Variants in TMTC2 observed in about 807,000 individuals in gnomAD.
TMTC2 encodes transmembrane O-mannosyltransferase targeting cadherins 2.
Under a neutral mutation model 82.4 loss-of-function variants are expected in TMTC2, and 43 were observed. The observed-to-expected ratio is 0.52, with a 90% CI of 0.41 to 0.67. TMTC2 has a LOEUF of 0.67. Among genes scored for constraint, TMTC2 ranks in the 30% least tolerant of loss-of-function variants. TMTC2 has a pLI of 0.00. For synonymous variants in TMTC2, 408 were observed against 381.9 expected, an observed-to-expected ratio of 1.07 and a Z score of -0.80; for missense variants, 919 against 1,012.4, an observed-to-expected ratio of 0.91 and a Z score of 1.25.
chr12:82,863,805 C>T (rs1422819895), intron 2 of TMTC2, among the ~76,000 whole-genome samples: 1 of 152,042 alleles, frequency 6.6e-6, no homozygotes, highest in African/African-American at 2.4e-5. Context: ...AAAGAGGAAT[C>T]AAAAGGAACA....
intron 3 of TMTC2, among the ~76,000 whole-genome samples, chr12:82,908,783 G>A (rs1874458030): frequency 6.6e-6 from 1 of 151,866 alleles, no homozygotes; most frequent in African/African-American, 2.4e-5. Flanking sequence ...TAGGCATAAT[G>A]TTTTGGTTAT....
intron 3 of TMTC2, among the ~76,000 whole-genome samples, chr12:82,911,154 G>A (rs540341398): frequency 3.2e-3 from 492 of 152,170 alleles, no homozygotes; most frequent in African/African-American, 0.012. Context: ...TGTTGGGATT[G>A]CAGGTGTGAG....
intron 1 of TMTC2, among the ~76,000 whole-genome samples, chr12:82,841,630 T>C (rs763029848): frequency 2.0e-5 from 3 of 152,246 alleles, no homozygotes; most frequent in Non-Finnish European, 4.4e-5. Flanking sequence ...GCAGCCCTGG[T>C]GAAACTTCCC....
chr12:82,961,663 G>T (rs910107770), intron 4 of TMTC2, among the ~76,000 whole-genome samples: 1 of 151,942 alleles, frequency 6.6e-6, no homozygotes, highest in Non-Finnish European at 1.5e-5. Context: ...TTACTGTGGG[G>T]TGCTTTCAGC....
intron 8 of TMTC2, among the ~76,000 whole-genome samples, chr12:83,006,954 G>C (rs915688083): frequency 6.6e-6 from 1 of 152,048 alleles, no homozygotes; most frequent in Non-Finnish European, 1.5e-5. Context: ...CGGGGGCTGG[G>C]GGAGGGATAG....
At chr12:82,852,513 A>C (rs1423264251) in intron 1 of TMTC2, among the ~76,000 whole-genome samples, 2 of 152,076 alleles carry the variant, frequency 1.3e-5, no homozygotes, top group African/African-American at 4.8e-5. Context: ...GAGTTCCTCC[A>C]CCTTTCCTAG....
chr12:82,818,811 A>G (rs1225992183), intron 1 of TMTC2, among the ~76,000 whole-genome samples: 6 of 152,170 alleles, frequency 3.9e-5, no homozygotes, highest in East Asian at 3.8e-4. Context: ...CTTATGGACT[A>G]CAAGCTAATT....
At chr12:82,944,309 G>A (rs1592646371) in intron 4 of TMTC2, among the ~76,000 whole-genome samples, 2 of 152,290 alleles carry the variant, frequency 1.3e-5, no homozygotes, top group East Asian at 3.9e-4. Flanking sequence ...CCCTGGCTGG[G>A]CATGGTGGCT....
chr12:82,848,504 A>G (rs1159310531), intron 1 of TMTC2, among the ~76,000 whole-genome samples: 1 of 152,128 alleles, frequency 6.6e-6, no homozygotes, highest in East Asian at 1.9e-4. Flanking sequence ...ACTTGGCTGA[A>G]TATTTAATGT....
rs139098989 is a variant in TMTC2 at position 82,998,121 on chromosome 12, C to A, written c.2070+12075C>A. 1.6e-3 allele frequency among the ~76,000 whole-genome samples: 240 copies of A among 152,264 alleles called. 2 individuals are homozygous for A. The highest frequency in any genetic ancestry group is 5.6e-3 in the African/African-American group (231 of 41,566). On this transcript the variant is annotated intron_variant, in intron 8 of 11. Coordinates refer to ENST00000321196, the MANE Select transcript of TMTC2 (RefSeq NM_152588.3). Reference sequence around the variant, plus strand: ...TTGAGTTGGTGACAGAACACCTGAGCTGTTGCTTACTCAGTAATTTATTAC... The same window carrying A: ...TTGAGTTGGTGACAGAACACCTGAGATGTTGCTTACTCAGTAATTTATTAC...
intron 3 of TMTC2, among the ~76,000 whole-genome samples, chr12:82,925,381 TAATA>T (rs1875641806): frequency 6.6e-6 from 1 of 152,188 alleles, no homozygotes; most frequent in Non-Finnish European, 1.5e-5. Flanking sequence ...TCTAATAAAT[TAATA>T]AATATTTAAT....
intron 11 of TMTC2, among the ~76,000 whole-genome samples, chr12:83,083,820 CT>C (rs1883556752): frequency 6.6e-6 from 1 of 152,150 alleles, no homozygotes; most frequent in Admixed American, 6.6e-5. Flanking sequence ...AGACAGCAGT[CT>C]TTTACAGTGT....
intron 11 of TMTC2, among the ~76,000 whole-genome samples, chr12:83,101,606 T>C (rs931838319): frequency 1.3e-5 from 2 of 152,148 alleles, no homozygotes; most frequent in African/African-American, 4.8e-5. Context: ...ACCATCATAA[T>C]ACGTTGGAAT....
intron 1 of TMTC2, among the ~76,000 whole-genome samples, chr12:82,735,569 T>C (rs1875063627): frequency 6.6e-6 from 1 of 151,808 alleles, no homozygotes; most frequent in Non-Finnish European, 1.5e-5. Context: ...ATGGTCTCGA[T>C]CTCCTGACCT....
chr12:82,814,698 C>T (rs757296465), intron 1 of TMTC2, among the ~76,000 whole-genome samples: 1 of 152,052 alleles, frequency 6.6e-6, no homozygotes, highest in Non-Finnish European at 1.5e-5. Context: ...GACTTTAAAA[C>T]CAAATGAATA....
Position 82,947,336 on chromosome 12 carries a change from T to C in TMTC2, c.1598+16791T>C, listed in dbSNP as rs12827163. Among the ~76,000 whole-genome samples, 11 of 145,648 alleles carry C rather than the reference T, an allele frequency of 7.6e-5. No individual in the cohort carries two copies. The South Asian group carries it at 1.5e-3, about 20-fold the overall frequency. On this transcript the variant is annotated intron_variant, in intron 4 of 11. Coordinates refer to ENST00000321196, the MANE Select transcript of TMTC2 (RefSeq NM_152588.3). ...TGGAGCAGAGTGCAATTTTTTTTTC[T>C]TTTTTTTTCTTTTTTTTTTTTTTGA...
chr12:82,835,289 G>A (rs1040739922), intron 1 of TMTC2, among the ~76,000 whole-genome samples: 2 of 152,126 alleles, frequency 1.3e-5, no homozygotes, highest in African/African-American at 4.8e-5. Flanking sequence ...AGACACTATA[G>A]CTTTTTGATT....
chr12:82,984,599 A>G (rs1217421714), intron 7 of TMTC2, among the ~76,000 whole-genome samples: 1 of 152,188 alleles, frequency 6.6e-6, no homozygotes, highest in Non-Finnish European at 1.5e-5. Context: ...ATGATTACTT[A>G]TGCTTATATA....
rs558105612 is a variant in TMTC2, at chr12:83,046,065, T to C, written c.2153-4839T>C. On this transcript the variant is annotated intron_variant, in intron 9 of 11. Coordinates refer to ENST00000321196, the MANE Select transcript of TMTC2 (RefSeq NM_152588.3). Reference sequence around the variant, plus strand: ...TGCCTTTTATTACTGTTCTAAAGCTTTTTACTAAACTGTCACTTCTGCTCT... The same window carrying C: ...TGCCTTTTATTACTGTTCTAAAGCTCTTTACTAAACTGTCACTTCTGCTCT... Among the ~76,000 whole-genome samples the C allele has an allele frequency of 2.0e-5, 3 of 152,226 alleles. No individual in the cohort carries two copies. In the East Asian group the frequency reaches 5.8e-4, roughly 29 times the overall value.
Sources: allele counts gnomAD v4.1 joint callset (sites outside exome capture counted in the v4.1 genomes callset), GRCh38; gene constraint gnomAD v4.1.1; transcripts MANE v1.5; gene names NCBI Gene and HGNC (gene_info 2026-07-23, HGNC 2026-07-21).